SATB2: variants seen among roughly 807,000 people sequenced by gnomAD.
The protein encoded by SATB2 is SATB homeobox 2.
Under a neutral mutation model 73.4 loss-of-function variants are expected in SATB2, and 1 was observed. The observed-to-expected ratio is 0.01, with a 90% CI of 0.00 to 0.06. The LOEUF (loss-of-function observed/expected upper bound fraction) is 0.06, where lower values mean the gene tolerates loss of function less well. Among genes scored for constraint, SATB2 ranks in the 10% least tolerant of loss-of-function variants. SATB2 has a pLI of 1.00. For synonymous variants in SATB2, 397 were observed against 367.0 expected (o/e 1.08, Z -0.93); for missense variants, 459 against 945.8 (o/e 0.49, Z 6.75).
chr2:199,315,924 T>C (rs1687720562), intron 9 of SATB2, among the ~76,000 whole-genome samples: 1 of 152,044 alleles, frequency 6.6e-6, no homozygotes. Flanking sequence ...AATGAATGAA[T>C]ATCTCAGCAA....
intron 6 of SATB2, among the ~76,000 whole-genome samples, chr2:199,359,663 T>TG (rs1689082728): frequency 6.6e-6 from 1 of 152,220 alleles, no homozygotes. Context: ...TAAGGCCTCA[T>TG]GCTCACAGGA....
chr2:199,451,287 A>T (rs951841652), intron 2 of SATB2, among the ~76,000 whole-genome samples: 2 of 151,936 alleles, frequency 1.3e-5, no homozygotes, highest in Non-Finnish European at 2.9e-5. Flanking sequence ...CACTGCATAT[A>T]TTTTTTTAAC....
chr2:199,402,974 A>G (rs1690526520), intron 3 of SATB2, among the ~76,000 whole-genome samples: 1 of 152,232 alleles, frequency 6.6e-6, no homozygotes, highest in African/African-American at 2.4e-5. Flanking sequence ...AACTGTAATA[A>G]CAAGAAAACT....
chr2:199,279,232 A>G (rs1325890385), intron 10 of SATB2, among the ~76,000 whole-genome samples: 1 of 152,232 alleles, frequency 6.6e-6, no homozygotes, highest in Non-Finnish European at 1.5e-5. Context: ...CACAATTATA[A>G]TATGGACACA....
At chr2:199,396,507 G>A (rs987281) in intron 3 of SATB2, 91,211 of 152,048 alleles carry the variant, frequency 0.6, 31,128 homozygotes, top group Non-Finnish European at 0.76. Flanking sequence ...TTGGAATGTA[G>A]AAGAAAATGA....
At chr2:199,458,845 G>A (rs1692387783), upstream of SATB2, 1 of 299,852 alleles carries the variant, frequency 3.3e-6, no homozygotes. Context: ...CGAGCCGAAC[G>A]TCCCGGCCCG....
At chr2:199,324,027 T>C in intron 8 of SATB2, 69 bp from the exon 9 acceptor site, 4 of 1,561,418 alleles carry the variant, frequency 2.6e-6, no homozygotes, top group Non-Finnish European at 3.5e-6. Context: ...GTGCAGAAAT[T>C]ATCAAAGGAT....
chr2:199,337,930 T>C (rs1177854744), intron 7 of SATB2, among the ~76,000 whole-genome samples: 1 of 152,200 alleles, frequency 6.6e-6, no homozygotes, highest in Non-Finnish European at 1.5e-5. Context: ...AATTGAGCAA[T>C]GGTGAAAAAT....
intron 9 of SATB2, among the ~76,000 whole-genome samples, chr2:199,323,194 C>T (rs1290190223): frequency 6.6e-6 from 1 of 152,060 alleles, no homozygotes; most frequent in Non-Finnish European, 1.5e-5. Flanking sequence ...TCCACAATCC[C>T]AGAACTCTGA....
intron 3 of SATB2, among the ~76,000 whole-genome samples, chr2:199,386,067 C>T (rs1689923049): frequency 6.6e-6 from 1 of 152,116 alleles, no homozygotes; most frequent in African/African-American, 2.4e-5. Flanking sequence ...CACATAACAA[C>T]AATAAAGCAA....
At chr2:199,443,021 A>AT (rs10673737) in intron 2 of SATB2, among the ~76,000 whole-genome samples, 3,163 of 133,552 alleles carry the variant, frequency 0.024, 145 homozygotes, top group African/African-American at 0.072. Context: ...GTTTCTGAGA[A>AT]TTTTTTTTTT....
intron 2 of SATB2, among the ~76,000 whole-genome samples, chr2:199,446,460 G>T (rs1691964958): frequency 6.6e-6 from 1 of 151,718 alleles, no homozygotes; most frequent in African/African-American, 2.4e-5. Context: ...TGGGGAAGAG[G>T]GACATGGAGA....
intron 7 of SATB2, among the ~76,000 whole-genome samples, chr2:199,331,452 A>G (rs1304491220): frequency 6.6e-6 from 1 of 152,148 alleles, no homozygotes. Context: ...GTCTCAAACC[A>G]ACAAGGAAGC....
chr2:199,462,374 C>T (rs572536167), upstream of SATB2, among the ~76,000 whole-genome samples: 16 of 152,268 alleles, frequency 1.1e-4, no homozygotes, highest in African/African-American at 3.6e-4. This position sits in a 1 kb window ranked among gnomAD's most constrained non-coding sequence, Gnocchi z 5.9. Context: ...CTTTCTCGGA[C>T]GGCATAACCG....
At chr2:199,458,494 C>G, upstream of SATB2, 1 of 385,718 alleles carries the variant, frequency 2.6e-6, no homozygotes, top group Non-Finnish European at 5.1e-6. Context: ...GTGGGTGCGT[C>G]TGGGCGCAGG....
At chr2:199,372,596 G>A (rs1045125393) in intron 5 of SATB2, among the ~76,000 whole-genome samples, 9 of 152,146 alleles carry the variant, frequency 5.9e-5, no homozygotes, top group African/African-American at 1.9e-4. Flanking sequence ...AGCACTGGGA[G>A]GCACCATGAA....
chr2:199,336,972 A>T (rs1688355974), intron 7 of SATB2, among the ~76,000 whole-genome samples: 1 of 152,188 alleles, frequency 6.6e-6, no homozygotes, highest in Admixed American at 6.5e-5. Context: ...ACTGTATGTG[A>T]TACATACTAA....
intron 9 of SATB2, among the ~76,000 whole-genome samples, chr2:199,310,951 C>T (rs1687578338): frequency 6.6e-6 from 1 of 152,212 alleles, no homozygotes; most frequent in African/African-American, 2.4e-5. Flanking sequence ...TTTATATGCG[C>T]TGTTATAATC....
At chr2:199,458,748 TCCCCCACCCACCGCCTCCG>T, upstream of SATB2, 1 of 420,414 alleles carries the variant, frequency 2.4e-6, no homozygotes. Flanking sequence ...GGCGATCGCC[TCCCCCACCCACCGCCTCCG>T]CCCACCACCC....
Sources: allele counts gnomAD v4.1 joint callset (sites outside exome capture counted in the v4.1 genomes callset), GRCh38; gene constraint gnomAD v4.1.1; non-coding constraint Gnocchi (gnomAD v3.1); transcripts MANE v1.5; gene names NCBI Gene and HGNC (gene_info 2026-07-23, HGNC 2026-07-21).